The following REPS2 variants were observed in gnomAD, a reference collection of about 807,000 sequenced individuals.
The protein encoded by REPS2 is ralBP1-associated Eps domain-containing protein 2.
A neutral mutation model predicts 53.6 loss-of-function variants in REPS2; 23 were observed. That is an observed-to-expected ratio of 0.43 (90% CI 0.31 to 0.61). The LOEUF is 0.61. Ranked by LOEUF, REPS2 falls within the 20% of genes least tolerant of loss-of-function variation. The pLI is 0.11. For missense variants in REPS2, 446 were observed against 534.9 expected (o/e 0.83, Z 1.64); for synonymous variants, 238 against 218.6 (o/e 1.09, Z -0.78).
chrX:17,107,370 T>C (rs1036024509), intron 14 of REPS2, among the ~76,000 whole-genome samples: 2 of 112,340 alleles, frequency 1.8e-5, no homozygotes, highest in African/African-American at 6.5e-5. Context: ...TTCTTAAATT[T>C]GAAAACTACT....
At chrX:17,114,289 C>T (rs927208684) in intron 14 of REPS2, among the ~76,000 whole-genome samples, 10 of 112,026 alleles carry the variant, frequency 8.9e-5, no homozygotes, top group African/African-American at 2.6e-4. Context: ...CTAAAGGGAT[C>T]GCTTAGGTGA....
chrX:16,951,992 G>A (rs1275919242), intron 1 of REPS2, among the ~76,000 whole-genome samples: 2 of 111,494 alleles, frequency 1.8e-5, no homozygotes, highest in Admixed American at 1.9e-4. Flanking sequence ...AGTCAATTTT[G>A]TGCATATCTT....
chrX:16,999,283 A>G (rs769537062), intron 1 of REPS2, among the ~76,000 whole-genome samples: 4 of 112,042 alleles, frequency 3.6e-5, no homozygotes, highest in Non-Finnish European at 5.6e-5. Flanking sequence ...TGCTAGATCA[A>G]AAGGTAAATT....
intron 9 of REPS2, among the ~76,000 whole-genome samples, chrX:17,063,029 C>A (rs950906117): frequency 1.8e-5 from 2 of 112,074 alleles, no homozygotes; most frequent in Non-Finnish European, 3.8e-5. Flanking sequence ...CAAATGAGGA[C>A]TGATTTGGAT....
At chrX:16,953,035 C>A (rs1315199883) in intron 1 of REPS2, among the ~76,000 whole-genome samples, 1 of 109,906 alleles carries the variant, frequency 9.1e-6, no homozygotes, top group Non-Finnish European at 1.9e-5. Context: ...GAGATCAGGC[C>A]ATTGCACTCC....
intron 1 of REPS2, among the ~76,000 whole-genome samples, chrX:16,982,942 G>A (rs960596907): frequency 2.7e-5 from 3 of 112,432 alleles, no homozygotes; most frequent in Non-Finnish European, 5.6e-5. Context: ...TGGTCCTCAA[G>A]CAATGGCAGT....
At chrX:17,004,167 A>G (rs1376413533) in intron 1 of REPS2, among the ~76,000 whole-genome samples, 1 of 111,409 alleles carries the variant, frequency 9.0e-6, no homozygotes, top group Non-Finnish European at 1.9e-5. Flanking sequence ...ACTAAAGAAG[A>G]GGAGTGGAAT....
intron 2 of REPS2, among the ~76,000 whole-genome samples, chrX:17,013,504 T>G (rs1006213481): frequency 3.6e-5 from 4 of 111,281 alleles, no homozygotes; most frequent in Non-Finnish European, 7.5e-5. Flanking sequence ...CCTCCCTATC[T>G]CTTAGGGCTA....
intron 14 of REPS2, among the ~76,000 whole-genome samples, chrX:17,131,754 A>G (rs1205884651): frequency 9.1e-6 from 1 of 110,242 alleles, no homozygotes; most frequent in Non-Finnish European, 1.9e-5. Context: ...ATTGGCACCC[A>G]CTCTGTCTTG....
At chrX:17,054,001 A>G (rs186758240) in intron 7 of REPS2, among the ~76,000 whole-genome samples, 2 of 112,404 alleles carry the variant, frequency 1.8e-5, no homozygotes, top group Admixed American at 1.9e-4. Context: ...GCTTGTCCTA[A>G]CACAAGTACA....
chrX:17,118,149 C>T (rs1414539624), intron 14 of REPS2, among the ~76,000 whole-genome samples: 1 of 104,692 alleles, frequency 9.6e-6, no homozygotes, highest in African/African-American at 3.5e-5. Flanking sequence ...TTAGTAGAGA[C>T]GGGGTTTCAC....
the REPS2 span, among the ~76,000 whole-genome samples, chrX:17,161,616 G>C: frequency 9.2e-6 from 1 of 108,878 alleles, no homozygotes; most frequent in Non-Finnish European, 1.9e-5. Flanking sequence ...CTGATCTCCT[G>C]CCTTTTTTTT....
At chrX:17,073,536 G>A (rs1016058921) in intron 11 of REPS2, among the ~76,000 whole-genome samples, 1 of 111,779 alleles carries the variant, frequency 8.9e-6, no homozygotes, top group Non-Finnish European at 1.9e-5. Flanking sequence ...CAGCGATATT[G>A]TTCATAATTC....
At position 17,077,377 on chromosome X, in the gene REPS2, C is replaced by T. The variant is rs541280106; in HGVS notation, c.1486C>T (p.Leu496=). 67 of 1,207,171 alleles carry T rather than the reference C, an allele frequency of 5.6e-5. No homozygotes were observed. In the South Asian group the frequency reaches 1.1e-3, roughly 19 times the overall value. The change falls in exon 13 of 18, where the codon CTG becomes TTG. Residue 496 remains leucine (L), a synonymous_variant. Transcript: ENST00000357277. ...KTHSRASSLD[L]NKVFQPSVPA... is the part of the protein sequence containing the mutation. ...CCATTCCAGAGCCTCCTCCTTGGAT[C>T]TGAATAAAGTCTTCCAGCCCAGTGT...
At chrX:17,195,769 G>C in the REPS2 span, among the ~76,000 whole-genome samples, 92 of 112,263 alleles carry the variant, frequency 8.2e-4, no homozygotes, top group Non-Finnish European at 1.4e-3. Context: ...TGGTATGTTT[G>C]AGGTAATATT....
At position 17,002,103 on chromosome X, in the gene REPS2, C is replaced by T. The variant is rs181830298; in HGVS notation, c.274-4118C>T. Among the ~76,000 whole-genome samples, 6 of 110,777 alleles carry T rather than the reference C, an allele frequency of 5.4e-5. No homozygotes were observed. The East Asian group carries it at 8.5e-4, about 16-fold the overall frequency. On this transcript the variant is annotated intron_variant, in intron 1 of 17. Transcript: ENST00000357277. ...GTGGTGATGATGGTGCGGTGGTGTA[C>T]GAAAATATCCCTGTTCTTAGAAGGT... is the stretch of plus-strand genomic sequence containing the variant.
chrX:17,045,516 T>A (rs2061893835), intron 5 of REPS2, among the ~76,000 whole-genome samples: 1 of 109,486 alleles, frequency 9.1e-6, no homozygotes, highest in African/African-American at 3.3e-5. Flanking sequence ...CTGTGAAATT[T>A]AAGGTATTAA....
Position 17,133,859 on chromosome X carries a change from G to A in REPS2, c.1614G>A (p.Gln538=). 1 of 1,211,498 alleles carries A rather than the reference G, an allele frequency of 8.3e-7. No individual in the cohort carries two copies. The highest frequency in any genetic ancestry group is 1.1e-6 in the Non-Finnish European group (1 of 895,169). Residue 538 remains glutamine (Q), a synonymous_variant, in exon 15 of 18, where the codon CAG becomes CAA. Coordinates refer to ENST00000357277, the MANE Select transcript of REPS2 (RefSeq NM_004726.3). ...EQVSEAELLP[Q]LSRAPSQAAE... ...TGTCGGAGGCCGAGTTACTCCCACA[G>A]CTGAGCAGAGCCCCATCCCAGGCTG...
chrX:16,980,515 A>T (rs913345408), intron 1 of REPS2, among the ~76,000 whole-genome samples: 1 of 110,411 alleles, frequency 9.1e-6, no homozygotes, highest in Non-Finnish European at 1.9e-5. Context: ...GTTGGCCAGG[A>T]TGGTCGCGAT....
Sources: allele counts gnomAD v4.1 joint callset (sites outside exome capture counted in the v4.1 genomes callset), GRCh38; gene constraint gnomAD v4.1.1; transcripts MANE v1.5; gene names NCBI Gene and HGNC (gene_info 2026-07-23, HGNC 2026-07-21).